Variants in SLC23A2 observed in about 807,000 individuals in gnomAD.
The protein encoded by SLC23A2 is solute carrier family 23 member 2, also known as Na(+)/L-ascorbic acid transporter 2.
A neutral mutation model predicts 73.3 loss-of-function variants in SLC23A2; 36 were observed. The observed-to-expected ratio is 0.49, with a 90% CI of 0.38 to 0.65. The LOEUF is 0.65. SLC23A2 is among the 30% of genes least tolerant of loss of function. SLC23A2 has a pLI of 0.00. For missense variants in SLC23A2, 507 were observed against 841.6 expected (o/e 0.60, Z 4.92); for synonymous variants, 343 against 327.3 (o/e 1.05, Z -0.52).
intron 11 of SLC23A2, among the ~76,000 whole-genome samples, chr20:4,871,841 T>A (rs546426732): frequency 9.2e-5 from 14 of 152,296 alleles, no homozygotes; most frequent in African/African-American, 3.1e-4. Context: ...AACATTTTGC[T>A]TTTTCTCAAT....
At position 4,909,525 on chromosome 20, in the gene SLC23A2, C is replaced by G. The variant is rs146384071; in HGVS notation, c.207+3355G>C. On this transcript the variant is annotated intron_variant, in intron 4 of 16. Transcript: ENST00000338244. ...CAACTAGTCCTTTAACAAAAGATAG[C>G]TTAAAGAGAATCCACAGGGATCAAG... Among the ~76,000 whole-genome samples, 331 of 152,090 alleles carry G rather than the reference C, an allele frequency of 2.2e-3. 1 individual carries two copies. The highest frequency in any genetic ancestry group is 7.6e-3 in the African/African-American group (316 of 41,480).
intron 2 of SLC23A2, among the ~76,000 whole-genome samples, chr20:4,969,035 G>A (rs2087519978): frequency 6.6e-6 from 1 of 151,442 alleles, no homozygotes; most frequent in Non-Finnish European, 1.5e-5. Flanking sequence ...TTTGTTTTTA[G>A]TAGTAAGTAG....
intron 1 of SLC23A2, among the ~76,000 whole-genome samples, chr20:4,990,780 C>G (rs1010959178): frequency 6.6e-6 from 1 of 151,122 alleles, no homozygotes; most frequent in African/African-American, 2.4e-5. Flanking sequence ...GTCAAGAGTT[C>G]AAGACCAGCC....
At position 4,992,562 on chromosome 20, in the gene SLC23A2, G is replaced by A. The variant is rs189643564; in HGVS notation, c.-282+8844C>T. 1.1e-4 allele frequency among the ~76,000 whole-genome samples: 16 copies of A among 144,958 alleles called. No individual in the cohort carries two copies. In the East Asian group the frequency reaches 2.9e-3, roughly 26 times the overall value. On this transcript the variant is annotated intron_variant, in intron 1 of 16. Coordinates refer to ENST00000338244, the MANE Select transcript of SLC23A2 (RefSeq NM_005116.6). ...TTTCGCTCTTGTTGCCCAGGTTAGA[G>A]TGTAATGAGGCGATCTTGGCTCACT... is the stretch of plus-strand genomic sequence containing the variant.
intron 1 of SLC23A2, among the ~76,000 whole-genome samples, chr20:4,975,481 A>T (rs977570914): frequency 7.3e-5 from 11 of 151,046 alleles, no homozygotes; most frequent in African/African-American, 2.7e-4. Context: ...CCCGGGTTCA[A>T]GCCATTCTCC....
At chr20:4,923,729 AAGGAACTTCAC>A (rs1028282672) in intron 3 of SLC23A2, among the ~76,000 whole-genome samples, 4 of 152,204 alleles carry the variant, frequency 2.6e-5, no homozygotes, top group African/African-American at 9.6e-5. Context: ...GATGTACAAA[AAGGAACTTCAC>A]AGCACCTGGT....
intron 3 of SLC23A2, among the ~76,000 whole-genome samples, chr20:4,919,515 G>A (rs899657950): frequency 2.6e-4 from 39 of 152,200 alleles, no homozygotes; most frequent in Non-Finnish European, 4.3e-4. Flanking sequence ...GAGCTCGGGC[G>A]GGTGATGTGT....
At chr20:4,867,992 A>G (rs1930272219) in intron 12 of SLC23A2, 117 bp from the exon 13 acceptor site, 1 of 596,230 alleles carries the variant, frequency 1.7e-6, no homozygotes, top group Non-Finnish European at 2.9e-6. Context: ...CAGCTTCCAC[A>G]TCTCCTGGGA....
intron 1 of SLC23A2, among the ~76,000 whole-genome samples, chr20:4,996,019 C>T (rs1308752734): frequency 6.6e-6 from 1 of 152,182 alleles, no homozygotes; most frequent in Non-Finnish European, 1.5e-5. Context: ...AATTAACTTA[C>T]AGAAGTTACC....
intron 1 of SLC23A2, among the ~76,000 whole-genome samples, chr20:4,980,608 T>C (rs367909956): frequency 5.3e-5 from 8 of 151,900 alleles, no homozygotes; most frequent in East Asian, 3.9e-4. Flanking sequence ...CTCGGCTCAC[T>C]GCAACCTCCG....
intron 1 of SLC23A2, among the ~76,000 whole-genome samples, chr20:4,986,600 C>T (rs570296139): frequency 1.1e-4 from 17 of 151,554 alleles, no homozygotes; most frequent in African/African-American, 2.4e-4. Context: ...AGGCATGAGT[C>T]ACCGCGCCTG....
chr20:4,926,370 T>C (rs1028097912), intron 3 of SLC23A2, among the ~76,000 whole-genome samples: 2 of 152,148 alleles, frequency 1.3e-5, no homozygotes, highest in Non-Finnish European at 2.9e-5. Context: ...AACAGGAAGT[T>C]TGGGCTGTTA....
chr20:4,951,726 C>G (rs2087205369), intron 2 of SLC23A2, among the ~76,000 whole-genome samples: 2 of 152,128 alleles, frequency 1.3e-5, no homozygotes, highest in South Asian at 4.1e-4. Context: ...TTGTGAATAA[C>G]AGTATACTAA....
At position 4,902,336 on chromosome 20, in the gene SLC23A2, AAAGTCTTCAATAAACAAAAACC is replaced by A; in HGVS notation, c.324+84_324+105del. ...ATCACTCTTAAAAGAGGAATTTATAAAAGTCTTCAATAAACAAAAACCAAAGTGGAATTTTTAAACAATTCCA... is the reference window on the plus strand; with the variant it reads ...ATCACTCTTAAAAGAGGAATTTATAAAAAGTGGAATTTTTAAACAATTCCA... On this transcript the variant is annotated intron_variant, in intron 5 of 16. Transcript: ENST00000338244. This position sits in a 1 kb window ranked among gnomAD's most constrained non-coding sequence, Gnocchi z 4.0. 1 of 672,452 alleles carries A rather than the reference AAAGTCTTCAATAAACAAAAACC, an allele frequency of 1.5e-6. No individual in the cohort carries two copies. Among genetic ancestry groups the A allele is most frequent in the Admixed American group, 2.5e-5 (1 of 39,584 alleles). 41.7% of individuals were successfully genotyped at this position (672,452 alleles called of 1,614,324 possible). A position where few individuals can be genotyped will look rare whatever the true frequency, so the allele number is the denominator to read the frequency against.
At position 4,975,345 on chromosome 20, in the gene SLC23A2, A is replaced by G. The variant is rs540125598; in HGVS notation, c.-281-4426T>C. ...GAAAAAAAGAAAAAGAAAGAATATGACGTTAACCTCACTTGCCATTCCTAG... is the reference window on the plus strand; with the variant it reads ...GAAAAAAAGAAAAAGAAAGAATATGGCGTTAACCTCACTTGCCATTCCTAG... On this transcript the variant is annotated intron_variant, in intron 1 of 16. Transcript: ENST00000338244. Among the ~76,000 whole-genome samples, 9 of 152,246 alleles carry G rather than the reference A, an allele frequency of 5.9e-5. No individual in the cohort carries two copies. The East Asian group carries it at 1.7e-3, about 29-fold the overall frequency.
intron 4 of SLC23A2, among the ~76,000 whole-genome samples, chr20:4,906,228 G>A (rs1188429342): frequency 6.6e-6 from 1 of 152,044 alleles, no homozygotes; most frequent in African/African-American, 2.4e-5. Flanking sequence ...GTGATCACCC[G>A]CTCAGGAGTC....
At chr20:4,955,478 T>G (rs1404644212) in intron 2 of SLC23A2, among the ~76,000 whole-genome samples, 1 of 151,790 alleles carries the variant, frequency 6.6e-6, no homozygotes, top group Non-Finnish European at 1.5e-5. Flanking sequence ...CACTAACTCG[T>G]GATTCCCCTC....
intron 2 of SLC23A2, among the ~76,000 whole-genome samples, chr20:4,934,117 C>G (rs1366530461): frequency 1.3e-5 from 2 of 152,204 alleles, no homozygotes; most frequent in African/African-American, 2.4e-5. Context: ...GTACACACAT[C>G]AAATTCTTCC....
rs1268054235 is a variant in SLC23A2 at position 4,884,752 on chromosome 20, C to T, written c.642+1G>A. 1 of 1,606,968 alleles carries T rather than the reference C, an allele frequency of 6.2e-7. No individual in the cohort carries two copies. Among genetic ancestry groups the T allele is most frequent in the Non-Finnish European group, 8.5e-7 (1 of 1,174,180 alleles). On this transcript the variant is annotated splice_donor_variant, in intron 8 of 16. Coordinates refer to ENST00000338244, the MANE Select transcript of SLC23A2 (RefSeq NM_005116.6). LOFTEE classifies it high-confidence loss of function. Reference sequence around the variant, plus strand: ...AAAAGCAGACAACGCTTGTCTTTTACCTCTCGGATCCGGGGATACCAGATG... The same window carrying T: ...AAAAGCAGACAACGCTTGTCTTTTATCTCTCGGATCCGGGGATACCAGATG...
Sources: allele counts gnomAD v4.1 joint callset (sites outside exome capture counted in the v4.1 genomes callset), GRCh38; gene constraint gnomAD v4.1.1; non-coding constraint Gnocchi (gnomAD v3.1); transcripts MANE v1.5; gene names NCBI Gene and HGNC (gene_info 2026-07-23, HGNC 2026-07-21).